Variants in MNDA observed in about 807,000 individuals in gnomAD.
The protein encoded by MNDA is myeloid cell nuclear differentiation antigen, also known as epididymis secretory sperm binding protein.
A neutral mutation model predicts 37.8 loss-of-function variants in MNDA; 43 were observed. That is an observed-to-expected ratio of 1.14 (90% CI 0.89 to 1.47). The LOEUF (loss-of-function observed/expected upper bound fraction) is 1.47. Among genes scored for constraint, MNDA ranks in the 40% most tolerant of loss-of-function variants. The pLI is 0.00. For synonymous variants in MNDA, 181 were observed against 169.0 expected (o/e 1.07, Z -0.55); for missense variants, 536 against 476.0 (o/e 1.13, Z -1.17).
intron 1 of MNDA, among the ~76,000 whole-genome samples, chr1:158,836,527 GT>G (rs1406394041): frequency 1.3e-5 from 2 of 151,742 alleles, no homozygotes; most frequent in Non-Finnish European, 3.0e-5. Flanking sequence ...ATGTATAATT[GT>G]TCAAAGTATT....
intron 1 of MNDA, among the ~76,000 whole-genome samples, chr1:158,835,232 A>G (rs1391952206): frequency 6.6e-6 from 1 of 152,188 alleles, no homozygotes; most frequent in Admixed American, 6.5e-5. Context: ...CCTTAACAGT[A>G]TCAAGTCTTC....
Position 158,847,891 on chromosome 1 carries a change from T to C in MNDA, c.1151T>C (p.Val384Ala), listed in dbSNP as rs771962857. ...ACAGTTGACCGCAAGCTGAAACTGG[T>C]GTGTGGAAGTCACAGCTTCATCAAG... is the stretch of plus-strand genomic sequence containing the variant. ...LRTVDRKLKL[V>A]CGSHSFIKVI... The change falls in exon 6 of 7, where the codon GTG becomes GCG. Residue 384 changes from valine to alanine, a missense_variant. Physicochemically the swap from Val to Ala is moderately conservative, Grantham distance 64. Coordinates refer to ENST00000368141, the MANE Select transcript of MNDA (RefSeq NM_002432.3). 7 of 1,613,908 alleles carry C rather than the reference T, an allele frequency of 4.3e-6. No homozygotes were observed. The highest frequency in any genetic ancestry group is 1.7e-5 in the Admixed American group (1 of 60,002).
chr1:158,847,895 T>G lies in MNDA; in HGVS notation c.1155T>G (p.Cys385Trp). 6.2e-7 allele frequency: 1 copy of G among 1,613,872 alleles called. No individual in the cohort carries two copies. Among genetic ancestry groups the G allele is most frequent in the Non-Finnish European group, 8.5e-7 (1 of 1,179,820 alleles). The change falls in exon 6 of 7, where the codon TGT becomes TGG. Residue 385 changes from cysteine to tryptophan, a missense_variant. By Grantham distance (215) the Cys-to-Trp change is radical (BLOSUM62 -2). Coordinates refer to ENST00000368141, the MANE Select transcript of MNDA (RefSeq NM_002432.3). Reference protein sequence around the residue: ...RTVDRKLKLVCGSHSFIKVIK... With the variant: ...RTVDRKLKLVWGSHSFIKVIK... ...TTGACCGCAAGCTGAAACTGGTGTG[T>G]GGAAGTCACAGCTTCATCAAGGTGG...
chr1:158,841,454 A>T (rs141244520), intron 1 of MNDA, among the ~76,000 whole-genome samples: 140 of 152,350 alleles, frequency 9.2e-4, no homozygotes, highest in African/African-American at 3.1e-3. Flanking sequence ...ATTGACTGTA[A>T]AAAACAAATG....
rs1198366376 is a variant in MNDA, at chr1:158,843,390, C to A, written c.377C>A (p.Ala126Glu). 2 of 1,610,284 alleles carry A rather than the reference C, an allele frequency of 1.2e-6. No homozygotes were observed. The highest frequency in any genetic ancestry group is 1.7e-6 in the Non-Finnish European group (2 of 1,178,216). The change falls in exon 3 of 7, where the codon GCA becomes GAA. Residue 126 changes from alanine (A) to glutamate (E), a missense_variant. By Grantham distance (107) the Ala-to-Glu change is moderately radical (BLOSUM62 -1). Coordinates refer to ENST00000368141, the MANE Select transcript of MNDA (RefSeq NM_002432.3). The part of the protein sequence containing the change: ...PTARNKLTSE[A>E]RGRIPVAQKR... ...GCAAGAAACAAACTGACATCGGAAG[C>A]AAGAGGGAGGATTCCTGTAGCTCAG...
intron 5 of MNDA, 62 bp from the exon 6 acceptor site, chr1:158,847,666 C>G: frequency 1.4e-6 from 2 of 1,480,740 alleles, no homozygotes; most frequent in East Asian, 2.3e-5. Context: ...TCATGAGACT[C>G]TTTCTCATCT....
At chr1:158,835,437 G>T (rs1199826640) in intron 1 of MNDA, among the ~76,000 whole-genome samples, 3 of 151,960 alleles carry the variant, frequency 2.0e-5, no homozygotes, top group Non-Finnish European at 4.4e-5. Context: ...CAACTGATTT[G>T]TATGTGTTGC....
At chr1:158,832,824 C>G (rs1285485742) in intron 1 of MNDA, among the ~76,000 whole-genome samples, 3 of 152,116 alleles carry the variant, frequency 2.0e-5, no homozygotes, top group Admixed American at 2.0e-4. Flanking sequence ...CAACATATGA[C>G]TGGATTTATT....
At chr1:158,841,408 C>A (rs192928529) in intron 1 of MNDA, among the ~76,000 whole-genome samples, 1 of 152,164 alleles carries the variant, frequency 6.6e-6, no homozygotes, top group Admixed American at 6.5e-5. Flanking sequence ...CTGACAGAAA[C>A]CTTTTAGTAA....
Position 158,842,274 on chromosome 1 carries a change from G to C in MNDA, c.121G>C (p.Glu41Gln), listed in dbSNP as rs144926525. Reference protein sequence around the residue: ...YDLGLTTKMQEEYNRIKITDL... With the variant: ...YDLGLTTKMQQEYNRIKITDL... ...TTTAGGACTAACTACAAAAATGCAA[G>C]AGGAATACAACAGAATTAAGATTAC... The change falls in exon 2 of 7, where the codon GAG becomes CAG. Residue 41 changes from glutamate (E) to glutamine (Q), a missense_variant. By Grantham distance (29) the Glu-to-Gln change is conservative (BLOSUM62 2). Coordinates refer to ENST00000368141, the MANE Select transcript of MNDA (RefSeq NM_002432.3). 1.3e-4 allele frequency: 213 copies of C among 1,614,006 alleles called. No homozygotes were observed. Among genetic ancestry groups the C allele is most frequent in the Non-Finnish European group, 1.7e-4 (202 of 1,179,998 alleles).
intron 1 of MNDA, among the ~76,000 whole-genome samples, chr1:158,835,049 T>C (rs577636588): frequency 2.0e-5 from 3 of 152,338 alleles, no homozygotes; most frequent in African/African-American, 7.2e-5. Context: ...GCAGGAAGTC[T>C]GAAACCTCCA....
chr1:158,838,269 T>C, intron 1 of MNDA, among the ~76,000 whole-genome samples: 1 of 152,052 alleles, frequency 6.6e-6, no homozygotes, highest in South Asian at 2.1e-4. Context: ...TTAAGGTAGA[T>C]ATAGTGGTAA....
intron 1 of MNDA, among the ~76,000 whole-genome samples, chr1:158,837,539 T>C (rs1427106620): frequency 6.6e-6 from 1 of 151,810 alleles, no homozygotes; most frequent in East Asian, 1.9e-4. Context: ...TCTTATTTAA[T>C]ATTTCAATGG....
At chr1:158,833,810 A>T (rs1280917471) in intron 1 of MNDA, among the ~76,000 whole-genome samples, 1 of 152,222 alleles carries the variant, frequency 6.6e-6, no homozygotes, top group Non-Finnish European at 1.5e-5. Context: ...TGCAATGAAC[A>T]TATATGTACA....
intron 5 of MNDA, among the ~76,000 whole-genome samples, chr1:158,846,555 T>C (rs1426100151): frequency 1.3e-5 from 2 of 152,130 alleles, no homozygotes; most frequent in African/African-American, 4.8e-5. Context: ...GAAGATAGCA[T>C]TGAACAACTG....
At position 158,842,318 on chromosome 1, in the gene MNDA, G is replaced by T; in HGVS notation, c.165G>T (p.Lys55Asn). The part of the protein sequence containing the change: ...RIKITDLMEK[K>N]FQGVACLDKL... ...AGATTACAGATTTGATGGAAAAAAA[G>T]TTCCAAGGCGTTGCCTGTCTAGACA... Residue 55 changes from lysine (K) to asparagine (N), a missense_variant, in exon 2 of 7, where the codon AAG (lysine) becomes AAT (asparagine). Lys to Asn is a moderately conservative substitution (Grantham distance 94, BLOSUM62 0). Coordinates refer to ENST00000368141, the MANE Select transcript of MNDA (RefSeq NM_002432.3). The T allele has an allele frequency of 1.2e-6, 2 of 1,614,154 alleles. No homozygotes were observed. Among genetic ancestry groups the T allele is most frequent in the Non-Finnish European group, 8.5e-7 (1 of 1,180,002 alleles).
chr1:158,847,671 T>C (rs1404813927), intron 5 of MNDA, 57 bp from the exon 6 acceptor site: 1 of 1,504,710 alleles, frequency 6.6e-7, no homozygotes, highest in Admixed American at 1.9e-5. Context: ...AGACTCTTTC[T>C]CATCTATATG....
chr1:158,834,171 T>C (rs1457166271), intron 1 of MNDA, among the ~76,000 whole-genome samples: 3 of 152,190 alleles, frequency 2.0e-5, no homozygotes, highest in Admixed American at 6.5e-5. Context: ...CATACTCATA[T>C]GTGCTTATTG....
chr1:158,842,441 T>C, intron 2 of MNDA, 23 bp downstream of exon 2: 1 of 1,592,264 alleles, frequency 6.3e-7, no homozygotes. Flanking sequence ...ACCTTGCACA[T>C]AGCTACTCTG....
Sources: allele counts gnomAD v4.1 joint callset (sites outside exome capture counted in the v4.1 genomes callset), GRCh38; gene constraint gnomAD v4.1.1; transcripts MANE v1.5; gene names NCBI Gene and HGNC (gene_info 2026-07-23, HGNC 2026-07-21).